The following MSH3 variants were observed in gnomAD, a reference collection of about 807,000 sequenced individuals.
MSH3 encodes the protein mutS homolog 3.
Under a neutral mutation model 123.3 loss-of-function variants are expected in MSH3, and 106 were observed. The observed-to-expected ratio is 0.86, with a 90% CI of 0.73 to 1.01. The LOEUF (loss-of-function observed/expected upper bound fraction) is 1.01. Ranked by LOEUF, MSH3 falls within the 50% of genes least tolerant of loss-of-function variation. The probability of loss-of-function intolerance (pLI) is 0.00; values close to 1 mark genes in which losing one functional copy is unlikely to be tolerated. For missense variants in MSH3, 1,459 were observed against 1,347.6 expected (o/e 1.08, Z -1.29); for synonymous variants, 515 against 481.4 (o/e 1.07, Z -0.91).
rs1237815902 is a variant in MSH3 at position 80,828,030 on chromosome 5, C to T, written c.2813+14289C>T. Among the ~76,000 whole-genome samples, 5 of 152,162 alleles carry T rather than the reference C, an allele frequency of 3.3e-5. No homozygotes were observed. In the East Asian group the frequency reaches 9.6e-4, roughly 29 times the overall value. ...TCAGCATCCCCCACCAGAGTACTCC[C>T]TTTCTTACAATTGATGAACCTACAT... On this transcript the variant is annotated intron_variant, in intron 20 of 23. Transcript: ENST00000265081.
chr5:80,827,217 C>T (rs994468629), intron 20 of MSH3, among the ~76,000 whole-genome samples: 7 of 152,172 alleles, frequency 4.6e-5, no homozygotes, highest in Non-Finnish European at 1.0e-4. Flanking sequence ...TAATTTATTT[C>T]TATTAAACGT....
At position 80,768,077 on chromosome 5, in the gene MSH3, C is replaced by T. The variant is rs115198722; in HGVS notation, c.2041C>T (p.Pro681Ser). Residue 681 changes from proline to serine, a missense_variant, in exon 14 of 24, where the codon CCA becomes TCA. Transcript: ENST00000265081. ...TTTAGAAATTCCTGAACTCCTCAGT[C>T]CAGTGGAGCATTACTTAAAGATACT... The part of the protein sequence containing the change: ...VILEIPELLS[P>S]VEHYLKILNE... 2,814 of 1,613,708 alleles carry T rather than the reference C, an allele frequency of 1.7e-3. 7 individuals are homozygous for T. Among genetic ancestry groups the T allele is most frequent in the Non-Finnish European group, 2.3e-3 (2,699 of 1,179,722 alleles).
chr5:80,761,480 A>AT, intron 12 of MSH3, 66 bp from the exon 13 acceptor site: 1 of 1,582,024 alleles, frequency 6.3e-7, no homozygotes, highest in East Asian at 2.2e-5. Context: ...TGGGCATTAG[A>AT]GTGGGAAATG....
At chr5:80,719,176 T>C (rs1751025643) in intron 8 of MSH3, among the ~76,000 whole-genome samples, 1 of 152,020 alleles carries the variant, frequency 6.6e-6, no homozygotes, top group Non-Finnish European at 1.5e-5. Context: ...GCCGCCTGAA[T>C]AGCTGGGACT....
chr5:80,720,587 G>A (rs949009272), intron 8 of MSH3, among the ~76,000 whole-genome samples: 36 of 151,828 alleles, frequency 2.4e-4, no homozygotes, highest in African/African-American at 7.7e-4. Context: ...AGTTCTGCCC[G>A]TTGATTTCTG....
At position 80,854,267 on chromosome 5, in the gene MSH3, A is replaced by G; in HGVS notation, c.2951A>G (p.His984Arg). ...LDELGRGTST[H>R]DGIAIAYATL... ...GAACTAGGAAGAGGGACGAGCACTC[A>G]TGATGGAATTGCCATTGCCTATGCT... The change falls in exon 21 of 24, where the codon CAT becomes CGT. Residue 984 changes from histidine to arginine, a missense_variant. Physicochemically the swap from His to Arg is conservative, Grantham distance 29. Transcript: ENST00000265081. 6.2e-7 allele frequency: 1 copy of G among 1,614,042 alleles called. No homozygotes were observed. Among genetic ancestry groups the G allele is most frequent in the South Asian group, 1.1e-5 (1 of 91,070 alleles).
At chr5:80,732,496 A>G (rs1191906964) in intron 10 of MSH3, among the ~76,000 whole-genome samples, 1 of 152,190 alleles carries the variant, frequency 6.6e-6, no homozygotes, top group African/African-American at 2.4e-5. Context: ...GCAGCCAGGG[A>G]TGCTGCTAAA....
At chr5:80,864,748 AGAC>A in intron 21 of MSH3, 62 bp from the exon 22 acceptor site, 1 of 1,444,784 alleles carries the variant, frequency 6.9e-7, no homozygotes, top group Non-Finnish European at 9.6e-7. Flanking sequence ...AGAAAGTGGA[AGAC>A]AGATTTTAAT....
At chr5:80,737,428 A>G (rs565219728) in intron 10 of MSH3, among the ~76,000 whole-genome samples, 7 of 152,314 alleles carry the variant, frequency 4.6e-5, no homozygotes, top group Admixed American at 1.3e-4. Flanking sequence ...GAAAAAAAGC[A>G]TCTATTGTAT....
intron 12 of MSH3, among the ~76,000 whole-genome samples, chr5:80,759,420 G>T (rs1293699713): frequency 6.6e-6 from 1 of 152,156 alleles, no homozygotes; most frequent in Admixed American, 6.6e-5. Flanking sequence ...AACCTTCTAG[G>T]CAAAGTAAGC....
At chr5:80,689,462 C>T (rs1750178007) in intron 8 of MSH3, among the ~76,000 whole-genome samples, 1 of 152,130 alleles carries the variant, frequency 6.6e-6, no homozygotes, top group African/African-American at 2.4e-5. Context: ...TTGCTAACCT[C>T]CTCACCCATT....
At position 80,695,623 on chromosome 5, in the gene MSH3, T is replaced by C. The variant is rs560689829; in HGVS notation, c.1340+16530T>C. ...TGCTGGGATTACAGGTGTGAGCCAC[T>C]GTGTCCGGCCCATTTTTTTGTTTAT... On this transcript the variant is annotated intron_variant, in intron 8 of 23. Transcript: ENST00000265081. Among the ~76,000 whole-genome samples the C allele has an allele frequency of 2.6e-4, 40 of 152,270 alleles. No individual in the cohort carries two copies. In the South Asian group the frequency reaches 8.3e-3, roughly 32 times the overall value.
At chr5:80,658,829 C>T (rs184235716) in intron 2 of MSH3, among the ~76,000 whole-genome samples, 28 of 152,218 alleles carry the variant, frequency 1.8e-4, no homozygotes, top group Admixed American at 1.7e-3. Context: ...AATTCCTGGT[C>T]CCAAGCCATC....
Position 80,679,075 on chromosome 5 carries a change from A to G in MSH3, c.1322A>G (p.His441Arg), listed in dbSNP as rs1231232313. 2.5e-6 allele frequency: 4 copies of G among 1,614,088 alleles called. No individual in the cohort carries two copies. Among genetic ancestry groups the G allele is most frequent in the East Asian group, 2.2e-5 (1 of 44,884 alleles). Residue 441 changes from histidine (H) to arginine (R), a missense_variant, in exon 8 of 24, where the codon CAC becomes CGC. Transcript: ENST00000265081. ...ALSEQTEALI[H>R]RATSVSVQDD... ...TCCGAGCAAACAGAGGCGCTCATCC[A>G]CAGAGCCACATCTGTTAGGTAAGTT...
chr5:80,722,834 A>G (rs1751110803), intron 8 of MSH3, among the ~76,000 whole-genome samples: 2 of 152,190 alleles, frequency 1.3e-5, no homozygotes, highest in Non-Finnish European at 2.9e-5. Context: ...GCTGGGCGCA[A>G]TGGCTCACGC....
At chr5:80,775,875 T>C (rs1439176378) in intron 16 of MSH3, 117 bp downstream of exon 16, 2 of 682,576 alleles carry the variant, frequency 2.9e-6, no homozygotes, top group Admixed American at 5.1e-5. Flanking sequence ...TTTTTACTTA[T>C]TTTTTCTGAT....
chr5:80,847,693 C>T (rs1745748712), intron 20 of MSH3, among the ~76,000 whole-genome samples: 1 of 152,074 alleles, frequency 6.6e-6, no homozygotes, highest in Admixed American at 6.6e-5. Context: ...ACTAATCTTA[C>T]TCAGCATTTC....
At chr5:80,779,550 ATTTT>A (rs750366394) in intron 17 of MSH3, among the ~76,000 whole-genome samples, 1 of 138,210 alleles carries the variant, frequency 7.2e-6, no homozygotes, top group African/African-American at 2.7e-5. Flanking sequence ...ATTAACATTA[ATTTT>A]TTTTTTTTTT....
intron 20 of MSH3, among the ~76,000 whole-genome samples, chr5:80,852,237 C>G (rs575787568): frequency 2.6e-4 from 40 of 152,214 alleles, no homozygotes; most frequent in African/African-American, 8.9e-4. Context: ...GAGGTGGGCA[C>G]TCGCTTGAGC....
Sources: allele counts gnomAD v4.1 joint callset (sites outside exome capture counted in the v4.1 genomes callset), GRCh38; gene constraint gnomAD v4.1.1; transcripts MANE v1.5; gene names NCBI Gene and HGNC (gene_info 2026-07-23, HGNC 2026-07-21).